TMC1: variants seen among roughly 807,000 people sequenced by gnomAD.
TMC1 encodes transmembrane channel-like protein 1.
TMC1 carries 84 observed loss-of-function variants against 105.8 expected under a neutral mutation model. The ratio of observed to expected loss-of-function variants is 0.79; its 90% CI spans 0.67 to 0.95. The LOEUF (loss-of-function observed/expected upper bound fraction) is 0.95. TMC1 is among the 40% of genes least tolerant of loss of function. TMC1 has a pLI of 0.00. For missense variants in TMC1, 817 were observed against 914.1 expected, an observed-to-expected ratio of 0.89 and a Z score of 1.37; for synonymous variants, 315 against 311.5, an observed-to-expected ratio of 1.01 and a Z score of -0.12.
intron 20 of TMC1, among the ~76,000 whole-genome samples, chr9:72,824,235 G>A (rs1316153403): frequency 6.6e-6 from 1 of 152,200 alleles, no homozygotes; most frequent in African/African-American, 2.4e-5. Flanking sequence ...CCCCAGAGGG[G>A]GTGTTACAAT....
intron 21 of TMC1, among the ~76,000 whole-genome samples, chr9:72,828,320 A>G (rs918503375): frequency 6.6e-6 from 1 of 152,056 alleles, no homozygotes; most frequent in African/African-American, 2.4e-5. Context: ...TTCTTTCTCT[A>G]CATGTCCATG....
At chr9:72,759,112 G>T (rs1314630984) in intron 12 of TMC1, among the ~76,000 whole-genome samples, 2 of 152,136 alleles carry the variant, frequency 1.3e-5, no homozygotes, top group African/African-American at 2.4e-5. Context: ...GAGAACAAAA[G>T]AGGAAGTGGG....
At chr9:72,767,598 C>A (rs1188654648) in intron 12 of TMC1, among the ~76,000 whole-genome samples, 2 of 152,298 alleles carry the variant, frequency 1.3e-5, no homozygotes, top group East Asian at 3.9e-4. Context: ...TAAAAACAGT[C>A]TTTCTTGTGG....
chr9:72,534,560 T>C (rs559340903), intron 1 of TMC1, among the ~76,000 whole-genome samples: 1 of 152,348 alleles, frequency 6.6e-6, no homozygotes, highest in East Asian at 1.9e-4. Context: ...TTCTAAAATT[T>C]GTATTTGGTA....
intron 5 of TMC1, among the ~76,000 whole-genome samples, chr9:72,661,625 A>G (rs1295386147): frequency 6.6e-6 from 1 of 152,136 alleles, no homozygotes; most frequent in South Asian, 2.1e-4. Context: ...ACTCATCTCC[A>G]AGTGCTTTGG....
At chr9:72,660,545 T>C (rs1825956536) in intron 5 of TMC1, among the ~76,000 whole-genome samples, 1 of 152,178 alleles carries the variant, frequency 6.6e-6, no homozygotes. Flanking sequence ...TTCAGAGCAT[T>C]CCAGAGTTTC....
intron 5 of TMC1, among the ~76,000 whole-genome samples, chr9:72,680,939 G>A (rs1419576454): frequency 6.6e-6 from 1 of 151,974 alleles, no homozygotes; most frequent in Non-Finnish European, 1.5e-5. Flanking sequence ...GTTTCATTTT[G>A]TTTGCTTATC....
At chr9:72,570,561 T>G (rs1275141117) in intron 1 of TMC1, among the ~76,000 whole-genome samples, 2 of 151,966 alleles carry the variant, frequency 1.3e-5, no homozygotes, top group Non-Finnish European at 2.9e-5. Context: ...TTAAATTCAT[T>G]TCTTATATTT....
rs1203772701 is a variant in TMC1, at chr9:72,701,419, T to G, written c.362+776T>G. On this transcript the variant is annotated intron_variant, in intron 8 of 23. Coordinates refer to ENST00000297784, the MANE Select transcript of TMC1 (RefSeq NM_138691.3). ...AGGATCACACTATATTTCCCTGCCC[T>G]GGTGGTTGGGAGAGGAGGAAAGGGC... 3.9e-5 allele frequency among the ~76,000 whole-genome samples: 6 copies of G among 152,110 alleles called. No individual in the cohort carries two copies. In the East Asian group the frequency reaches 1.2e-3, roughly 29 times the overall value.
chr9:72,833,761 T>C (rs1412207200), intron 23 of TMC1, among the ~76,000 whole-genome samples: 2 of 152,222 alleles, frequency 1.3e-5, no homozygotes, highest in Non-Finnish European at 2.9e-5. Context: ...AGGTTTCCCA[T>C]GCCTTTTAGA....
chr9:72,541,625 T>A (rs1823679627), intron 1 of TMC1, among the ~76,000 whole-genome samples: 1 of 150,696 alleles, frequency 6.6e-6, no homozygotes, highest in South Asian at 2.1e-4. Flanking sequence ...GAGGTGGAGG[T>A]TGCAGTGAGC....
rs533528337 is a variant in TMC1, at chr9:72,587,857, C to T, written c.-306+9834C>T. Among the ~76,000 whole-genome samples, 18 of 151,678 alleles carry T rather than the reference C, an allele frequency of 1.2e-4. No homozygotes were observed. In the South Asian group the frequency reaches 3.8e-3, roughly 32 times the overall value. On this transcript the variant is annotated intron_variant, in intron 2 of 23. Transcript: ENST00000297784. ...CTGGAGTGCAGTGGCGCCATCTCGG[C>T]TCACTGCAACCTTTGCTTCCCAGGT...
intron 3 of TMC1, among the ~76,000 whole-genome samples, chr9:72,624,485 C>T (rs1018189822): frequency 6.6e-6 from 1 of 152,198 alleles, no homozygotes; most frequent in Admixed American, 6.5e-5. Flanking sequence ...TGCTTAGAAG[C>T]CAGTGCATAC....
At chr9:72,569,840 T>C (rs879502652) in intron 1 of TMC1, among the ~76,000 whole-genome samples, 2 of 152,196 alleles carry the variant, frequency 1.3e-5, no homozygotes, top group Non-Finnish European at 2.9e-5. Flanking sequence ...TCATTTGTGG[T>C]TCTGGCTGAT....
chr9:72,601,063 A>C (rs1372597021), intron 2 of TMC1, among the ~76,000 whole-genome samples: 1 of 152,154 alleles, frequency 6.6e-6, no homozygotes, highest in Non-Finnish European at 1.5e-5. Context: ...AGCTGGGTGC[A>C]GAGGCTTATT....
At chr9:72,736,556 T>C (rs1827300517) in intron 8 of TMC1, among the ~76,000 whole-genome samples, 1 of 152,246 alleles carries the variant, frequency 6.6e-6, no homozygotes, top group African/African-American at 2.4e-5. Flanking sequence ...TTTTAAATTA[T>C]CTGTTAAATA....
At chr9:72,550,782 C>G (rs1823849487) in intron 1 of TMC1, among the ~76,000 whole-genome samples, 1 of 151,894 alleles carries the variant, frequency 6.6e-6, no homozygotes, top group South Asian at 2.1e-4. Context: ...ATGTTCAGGT[C>G]CTATTCCCCA....
At chr9:72,773,301 T>C (rs926618809) in intron 13 of TMC1, among the ~76,000 whole-genome samples, 7 of 152,190 alleles carry the variant, frequency 4.6e-5, no homozygotes, top group Non-Finnish European at 7.3e-5. Context: ...AGGTTGCCAT[T>C]CTTTTATTTG....
chr9:72,741,958 C>CT (rs1827395963), intron 9 of TMC1, among the ~76,000 whole-genome samples: 1 of 152,194 alleles, frequency 6.6e-6, no homozygotes, highest in Admixed American at 6.5e-5. Context: ...TTGAACTCAC[C>CT]TATTTGTACA....
Sources: gnomAD v4.1 joint callset for allele counts (sites outside exome capture counted in the v4.1 genomes callset) on GRCh38, gnomAD v4.1.1 for gene constraint, MANE v1.5 for transcripts, NCBI Gene and HGNC (gene_info 2026-07-23, HGNC 2026-07-21) for gene names.